PACRG: variants seen among roughly 807,000 people sequenced by gnomAD.
The protein encoded by PACRG is parkin coregulated gene protein.
A neutral mutation model predicts 29.7 loss-of-function variants in PACRG; 29 were observed. That is an observed-to-expected ratio of 0.98 (90% confidence interval 0.73 to 1.33). The LOEUF (loss-of-function observed/expected upper bound fraction) is 1.33, where lower values mean the gene tolerates loss of function less well. PACRG is among the 40% of genes most tolerant of loss of function. The pLI is 0.00. For synonymous variants in PACRG, 116 were observed against 118.7 expected, an observed-to-expected ratio of 0.98 and a Z score of 0.15; for missense variants, 279 against 316.2, an observed-to-expected ratio of 0.88 and a Z score of 0.89.
At chr6:162,768,925 T>C (rs1291566908) in intron 1 of PACRG, among the ~76,000 whole-genome samples, 3 of 152,218 alleles carry the variant, frequency 2.0e-5, no homozygotes, top group Non-Finnish European at 4.4e-5. Context: ...CTACCTTTCA[T>C]GGCTGTTATA....
chr6:163,028,128 A>G (rs1352336275), intron 2 of PACRG, among the ~76,000 whole-genome samples: 1 of 152,230 alleles, frequency 6.6e-6, no homozygotes, highest in Non-Finnish European at 1.5e-5. Flanking sequence ...GTGAACCCCA[A>G]GTGAAATGGA....
At chr6:162,761,003 A>G (rs1053198371) in intron 1 of PACRG, among the ~76,000 whole-genome samples, 1 of 152,190 alleles carries the variant, frequency 6.6e-6, no homozygotes, top group African/African-American at 2.4e-5. Context: ...TTGGCCGGGC[A>G]GGGTCTAGGG....
At chr6:163,217,804 C>T (rs1781421941) in intron 4 of PACRG, among the ~76,000 whole-genome samples, 1 of 152,014 alleles carries the variant, frequency 6.6e-6, no homozygotes, top group South Asian at 2.1e-4. Context: ...GCCTGATGAT[C>T]TGCCACTGTC....
intron 2 of PACRG, among the ~76,000 whole-genome samples, chr6:162,932,912 C>CT (rs1234971358): frequency 2.0e-5 from 3 of 150,626 alleles, no homozygotes; most frequent in South Asian, 2.1e-4. Flanking sequence ...TTGGGTTTAG[C>CT]TTTTTTTTTC....
rs141843308 is a variant in PACRG at position 163,055,925 on chromosome 6, A to G, written c.292-6225A>G. ...ATTCCGAACGTTTCATAGAAATGGA[A>G]TCGTACAGTATGTGGTCTTTTGTGA... On this transcript the variant is annotated intron_variant, in intron 2 of 4. Coordinates refer to ENST00000366888, the MANE Select transcript of PACRG (RefSeq NM_001080379.2). The surrounding 1 kb of genome is among the most constrained non-coding windows in gnomAD (Gnocchi z 4.0). Among the ~76,000 whole-genome samples the G allele has an allele frequency of 2.6e-3, 398 of 152,366 alleles. No homozygotes were observed. Among genetic ancestry groups the G allele is most frequent in the African/African-American group, 9.2e-3 (381 of 41,590 alleles).
chr6:162,892,967 G>C (rs987725995), intron 2 of PACRG, among the ~76,000 whole-genome samples: 4 of 148,644 alleles, frequency 2.7e-5, no homozygotes, highest in African/African-American at 1.0e-4. Context: ...TCAGCCTCAA[G>C]AGCCTCGGCC....
chr6:163,212,549 G>A (rs1781190166), intron 4 of PACRG, among the ~76,000 whole-genome samples: 1 of 152,034 alleles, frequency 6.6e-6, no homozygotes, highest in African/African-American at 2.4e-5. Context: ...GGCTCAAAAG[G>A]GTTGCCCAAT....
At chr6:162,916,506 A>G (rs141202395) in intron 2 of PACRG, among the ~76,000 whole-genome samples, 8 of 152,090 alleles carry the variant, frequency 5.3e-5, no homozygotes, top group Non-Finnish European at 8.8e-5. Context: ...TGGAACCTAA[A>G]GCTCACATTT....
chr6:163,042,699 T>C (rs1271518385), intron 2 of PACRG: 19 of 38,762 alleles, frequency 4.9e-4, no homozygotes, highest in Non-Finnish European at 6.5e-4. Flanking sequence ...CTGTGTTTGC[T>C]GTAAAAAAAA....
chr6:163,265,150 G>A (rs896219421), intron 4 of PACRG, among the ~76,000 whole-genome samples: 16 of 152,202 alleles, frequency 1.1e-4, no homozygotes, highest in Non-Finnish European at 1.9e-4. Context: ...AGGCATGTGC[G>A]AATGAGTGGG....
chr6:163,094,524 C>A (rs1814395887), intron 4 of PACRG, among the ~76,000 whole-genome samples: 1 of 152,206 alleles, frequency 6.6e-6, no homozygotes, highest in South Asian at 2.1e-4. Flanking sequence ...GTTGGAAGAT[C>A]CGTGTAGGGG....
chr6:163,014,575 C>T (rs1008279755), intron 2 of PACRG, among the ~76,000 whole-genome samples: 3 of 151,324 alleles, frequency 2.0e-5, no homozygotes, highest in Non-Finnish European at 3.0e-5. Flanking sequence ...GATGGTATCT[C>T]GTGGTTTTGA....
intron 2 of PACRG, among the ~76,000 whole-genome samples, chr6:162,900,955 T>C (rs937569997): frequency 6.6e-6 from 1 of 152,244 alleles, no homozygotes. Flanking sequence ...ATTCTTCAAC[T>C]ACGCATCCCG....
At chr6:162,824,726 G>A (rs1788134870) in intron 2 of PACRG, among the ~76,000 whole-genome samples, 2 of 152,108 alleles carry the variant, frequency 1.3e-5, no homozygotes, top group South Asian at 2.1e-4. Context: ...ACTTATAATG[G>A]GAAAGACATG....
At chr6:162,814,861 T>A (rs970441616) in intron 2 of PACRG, among the ~76,000 whole-genome samples, 23 of 152,304 alleles carry the variant, frequency 1.5e-4, no homozygotes, top group Admixed American at 1.4e-3. Context: ...ACGGACATTT[T>A]TCTGACAAAA....
chr6:162,968,166 G>GAA (rs1801208524), intron 2 of PACRG, among the ~76,000 whole-genome samples: 1 of 152,144 alleles, frequency 6.6e-6, no homozygotes, highest in African/African-American at 2.4e-5. Flanking sequence ...ATACTCCTCA[G>GAA]AGAGTTTCTC....
chr6:162,822,572 C>T (rs554982744), intron 2 of PACRG, among the ~76,000 whole-genome samples: 1 of 152,104 alleles, frequency 6.6e-6, no homozygotes, highest in Non-Finnish European at 1.5e-5. Flanking sequence ...GGGTTCTAAT[C>T]TGAGTAAAAG....
intron 2 of PACRG, among the ~76,000 whole-genome samples, chr6:163,006,455 TC>T (rs1160490396): frequency 2.0e-5 from 3 of 151,730 alleles, no homozygotes; most frequent in Admixed American, 1.3e-4. Flanking sequence ...ATCATTTAGA[TC>T]AATTGATAGA....
chr6:163,139,671 T>C (rs1200029183), intron 4 of PACRG, among the ~76,000 whole-genome samples: 1 of 152,220 alleles, frequency 6.6e-6, no homozygotes, highest in Admixed American at 6.5e-5. Flanking sequence ...TCTGTCTTAA[T>C]CCCTTAGTCT....
Sources: gnomAD v4.1 joint callset for allele counts (sites outside exome capture counted in the v4.1 genomes callset) on GRCh38, gnomAD v4.1.1 for gene constraint, Gnocchi (gnomAD v3.1) non-coding constraint, MANE v1.5 for transcripts, NCBI Gene and HGNC (gene_info 2026-07-23, HGNC 2026-07-21) for gene names.